Variants in BICD1 observed in about 807,000 individuals in gnomAD.
BICD1 encodes the protein protein bicaudal D homolog 1.
BICD1 carries 35 observed loss-of-function variants against 92.5 expected under a neutral mutation model. The ratio of observed to expected loss-of-function variants is 0.38; its 90% CI spans 0.29 to 0.50. The LOEUF is 0.50. Among genes scored for constraint, BICD1 ranks in the 20% least tolerant of loss-of-function variants. The pLI is 0.93. For synonymous variants in BICD1, 429 were observed against 465.1 expected (o/e 0.92, Z 1.00); for missense variants, 950 against 1,189.8 (o/e 0.80, Z 2.97).
chr12:32,275,618 C>T (rs1019306954), intron 2 of BICD1, among the ~76,000 whole-genome samples: 7 of 152,238 alleles, frequency 4.6e-5, no homozygotes, highest in South Asian at 2.1e-4. Flanking sequence ...ATGTTTGTTA[C>T]GGCTGGAGCT....
chr12:32,176,783 G>C (rs1259650348), intron 1 of BICD1, among the ~76,000 whole-genome samples: 2 of 152,110 alleles, frequency 1.3e-5, no homozygotes, highest in African/African-American at 4.8e-5. Flanking sequence ...TCCATTGTAT[G>C]AATGTCCCAC....
chr12:32,242,531 GAA>G (rs74974111), intron 2 of BICD1, among the ~76,000 whole-genome samples: 4 of 137,200 alleles, frequency 2.9e-5, no homozygotes, highest in Middle Eastern at 4.1e-3. Context: ...TGTCTTAAAA[GAA>G]AAAAAAAAAA....
At chr12:32,234,017 G>A (rs538366987) in intron 2 of BICD1, among the ~76,000 whole-genome samples, 10 of 152,250 alleles carry the variant, frequency 6.6e-5, no homozygotes, top group South Asian at 4.2e-4. Context: ...TAGTGATATC[G>A]TAATGAATTT....
At chr12:32,316,378 C>T (rs1948501188) in intron 4 of BICD1, among the ~76,000 whole-genome samples, 1 of 151,720 alleles carries the variant, frequency 6.6e-6, no homozygotes, top group Non-Finnish European at 1.5e-5. Flanking sequence ...GCAACCTCCA[C>T]CTCCTGGGTT....
chr12:32,274,743 T>A (rs1172316592), intron 2 of BICD1, among the ~76,000 whole-genome samples: 1 of 152,212 alleles, frequency 6.6e-6, no homozygotes, highest in African/African-American at 2.4e-5. Flanking sequence ...AAGGCATTTT[T>A]AGAAGTAGCA....
chr12:32,160,943 T>C (rs1453115231), intron 1 of BICD1, among the ~76,000 whole-genome samples: 1 of 152,232 alleles, frequency 6.6e-6, no homozygotes, highest in African/African-American at 2.4e-5. Flanking sequence ...CTTGTAAATA[T>C]CTAACTTCAT....
chr12:32,337,824 T>G lies in BICD1; in HGVS notation c.2570+8T>G, dbSNP rs754143869. 2 of 1,613,842 alleles carry G rather than the reference T, an allele frequency of 1.2e-6. No homozygotes were observed. The highest frequency in any genetic ancestry group is 2.2e-5 in the East Asian group (1 of 44,884). On this transcript the variant is annotated splice_region_variant and intron_variant, in intron 7 of 9. Coordinates refer to ENST00000652176, the MANE Select transcript of BICD1 (RefSeq NM_001714.4). The surrounding 1 kb of genome is among the most constrained non-coding windows in gnomAD (Gnocchi z 4.7). Reference sequence around the variant, plus strand: ...TGGCACTCAGAGGAAAAGGTATGCATGCAGCGATCTTCATAGTACGGTGCA... The same window carrying G: ...TGGCACTCAGAGGAAAAGGTATGCAGGCAGCGATCTTCATAGTACGGTGCA...
chr12:32,117,721 C>T (rs1339217394), intron 1 of BICD1, among the ~76,000 whole-genome samples: 5 of 104,846 alleles, frequency 4.8e-5, no homozygotes, highest in Admixed American at 1.0e-4. Context: ...TACACACACA[C>T]ACACACACAC....
intron 2 of BICD1, among the ~76,000 whole-genome samples, chr12:32,252,640 A>T (rs913996398): frequency 2.6e-5 from 4 of 152,168 alleles, no homozygotes; most frequent in Non-Finnish European, 5.9e-5. Flanking sequence ...CGAGATTTGC[A>T]TCCGTGATGA....
intron 2 of BICD1, among the ~76,000 whole-genome samples, chr12:32,280,630 G>A (rs76006398): frequency 0.052 from 7,966 of 152,212 alleles, 316 homozygotes; most frequent in South Asian, 0.11. Context: ...AGGTCAAAAG[G>A]CTTTCCTGCA....
intron 2 of BICD1, among the ~76,000 whole-genome samples, chr12:32,265,139 A>C (rs1469279291): frequency 6.6e-6 from 1 of 151,466 alleles, no homozygotes; most frequent in Non-Finnish European, 1.5e-5. Flanking sequence ...CAGTTTATAC[A>C]TTGCCTCCAA....
chr12:32,144,305 A>G (rs1005409101), intron 1 of BICD1, among the ~76,000 whole-genome samples: 19 of 152,210 alleles, frequency 1.2e-4, no homozygotes, highest in African/African-American at 4.3e-4. Flanking sequence ...GCATATATAG[A>G]GGCTTGAGTT....
chr12:32,112,334 G>A (rs931366042), intron 1 of BICD1, among the ~76,000 whole-genome samples: 5 of 152,132 alleles, frequency 3.3e-5, no homozygotes, highest in African/African-American at 4.8e-5. Context: ...TCAAGATTTC[G>A]TCTCTGGCGA....
At chr12:32,179,788 T>C (rs553865196) in intron 1 of BICD1, among the ~76,000 whole-genome samples, 1 of 151,704 alleles carries the variant, frequency 6.6e-6, no homozygotes. Flanking sequence ...GTCAGGAGTT[T>C]GAGACCAACC....
At chr12:32,274,943 AAG>A (rs1216820387) in intron 2 of BICD1, among the ~76,000 whole-genome samples, 1 of 152,192 alleles carries the variant, frequency 6.6e-6, no homozygotes, top group Non-Finnish European at 1.5e-5. Flanking sequence ...AAAAGGTTAA[AAG>A]AGTTTTATAT....
Position 32,221,352 on chromosome 12 carries a change from T to TAAA in BICD1, c.426+4898_426+4900dup, listed in dbSNP as rs750415659. 8.9e-4 allele frequency among the ~76,000 whole-genome samples: 130 copies of TAAA among 145,818 alleles called. 3 individuals are homozygous for TAAA. In the South Asian group the frequency reaches 0.024, roughly 27 times the overall value. ...TAAACGTTATCTGTATCACAAAAAA[T>TAAA]AAAAAAATAAATAAATAAATAAATA... On this transcript the variant is annotated intron_variant, in intron 2 of 9. Coordinates refer to ENST00000652176, the MANE Select transcript of BICD1 (RefSeq NM_001714.4).
intron 3 of BICD1, among the ~76,000 whole-genome samples, chr12:32,302,190 C>G (rs1948072277): frequency 2.0e-5 from 3 of 152,280 alleles, no homozygotes; most frequent in Admixed American, 2.0e-4. Flanking sequence ...CCAGCCCGAA[C>G]TTTTGATTTT....
intron 1 of BICD1, among the ~76,000 whole-genome samples, chr12:32,133,386 G>A (rs1157587888): frequency 2.0e-5 from 3 of 151,964 alleles, no homozygotes; most frequent in Non-Finnish European, 4.4e-5. Context: ...TACTCGGGAG[G>A]TTGAGGCACA....
intron 2 of BICD1, among the ~76,000 whole-genome samples, chr12:32,262,061 G>T (rs1473126880): frequency 6.6e-6 from 1 of 152,106 alleles, no homozygotes; most frequent in Non-Finnish European, 1.5e-5. Context: ...TTAAGTCGTG[G>T]GTTTATATAA....
Sources: gnomAD v4.1 joint callset for allele counts (sites outside exome capture counted in the v4.1 genomes callset) on GRCh38, gnomAD v4.1.1 for gene constraint, Gnocchi (gnomAD v3.1) non-coding constraint, MANE v1.5 for transcripts, NCBI Gene and HGNC (gene_info 2026-07-23, HGNC 2026-07-21) for gene names.